The following RASGEF1C variants were observed in gnomAD, a reference collection of about 807,000 sequenced individuals.
The protein encoded by RASGEF1C is RasGEF domain family member 1C.
A neutral mutation model predicts 58.1 loss-of-function variants in RASGEF1C; 27 were observed. The observed-to-expected ratio is 0.46, with a 90% CI of 0.34 to 0.64. RASGEF1C has a LOEUF of 0.64. Among genes scored for constraint, RASGEF1C ranks in the 30% least tolerant of loss-of-function variants. The probability of loss-of-function intolerance (pLI) is 0.01; values close to 1 mark genes in which losing one functional copy is unlikely to be tolerated. For synonymous variants in RASGEF1C, 243 were observed against 246.3 expected, an observed-to-expected ratio of 0.99 and a Z score of 0.13; for missense variants, 502 against 605.1, an observed-to-expected ratio of 0.83 and a Z score of 1.79.
At chr5:180,127,917 A>C (rs1233246045) in intron 5 of RASGEF1C, among the ~76,000 whole-genome samples, 3 of 152,190 alleles carry the variant, frequency 2.0e-5, no homozygotes, top group Admixed American at 6.5e-5. Flanking sequence ...CAATGCTATG[A>C]GGCGTGACGC....
chr5:180,171,752 G>A (rs1219306743), intron 1 of RASGEF1C, among the ~76,000 whole-genome samples: 1 of 152,268 alleles, frequency 6.6e-6, no homozygotes, highest in African/African-American at 2.4e-5. Flanking sequence ...CAGCGAATGC[G>A]TAGCAAAAAT....
chr5:180,208,627 T>C (rs1159608678), intron 1 of RASGEF1C, among the ~76,000 whole-genome samples: 1 of 152,162 alleles, frequency 6.6e-6, no homozygotes, highest in Non-Finnish European at 1.5e-5. Flanking sequence ...CTTCTGCACG[T>C]GCACCGGCAG....
chr5:180,201,351 G>A (rs1756392015), intron 1 of RASGEF1C, among the ~76,000 whole-genome samples: 1 of 152,094 alleles, frequency 6.6e-6, no homozygotes, highest in South Asian at 2.1e-4. Context: ...AAGCAAAAGT[G>A]AATATTGTAA....
chr5:180,181,287 A>C (rs1025635011), intron 1 of RASGEF1C, among the ~76,000 whole-genome samples: 1 of 152,210 alleles, frequency 6.6e-6, no homozygotes, highest in African/African-American at 2.4e-5. Flanking sequence ...AGCAAAAATA[A>C]TACTGTAGTG....
intron 1 of RASGEF1C, among the ~76,000 whole-genome samples, chr5:180,204,298 T>C (rs948298302): frequency 2.0e-5 from 3 of 152,256 alleles, no homozygotes; most frequent in African/African-American, 7.2e-5. Context: ...CTTAGATTCC[T>C]GGGAGTGGGA....
chr5:180,139,735 G>C (rs527349510), intron 1 of RASGEF1C, among the ~76,000 whole-genome samples: 3 of 152,258 alleles, frequency 2.0e-5, no homozygotes, highest in Non-Finnish European at 4.4e-5. Flanking sequence ...CATGCAGGAA[G>C]CTGCACATGC....
intron 12 of RASGEF1C, among the ~76,000 whole-genome samples, chr5:180,111,211 C>T (rs1052647848): frequency 1.6e-4 from 24 of 152,192 alleles, no homozygotes; most frequent in African/African-American, 4.6e-4. Context: ...AAACTGTGTC[C>T]GGGGAGGAGC....
rs1221675989 is a variant in RASGEF1C at position 180,158,893 on chromosome 5, C to A, written c.-6-20835G>T. On this transcript the variant is annotated intron_variant, in intron 1 of 13. Transcript: ENST00000361132. This position sits in a 1 kb window ranked among gnomAD's most constrained non-coding sequence, Gnocchi z 4.0. Reference sequence around the variant, plus strand: ...TTCTTAGCACTCATTTTTGGACCCCCTGGACTTGTCCTCCAATTTAAAAAA... The same window carrying A: ...TTCTTAGCACTCATTTTTGGACCCCATGGACTTGTCCTCCAATTTAAAAAA... Among the ~76,000 whole-genome samples, 3 of 152,110 alleles carry A rather than the reference C, an allele frequency of 2.0e-5. No homozygotes were observed. The highest frequency in any genetic ancestry group is 4.4e-5 in the Non-Finnish European group (3 of 68,000).
intron 1 of RASGEF1C, among the ~76,000 whole-genome samples, chr5:180,140,427 C>T (rs1766557332): frequency 6.6e-6 from 1 of 152,184 alleles, no homozygotes; most frequent in South Asian, 2.1e-4. Context: ...GGGACAAAGC[C>T]CGACCTCAGG....
chr5:180,181,480 G>A (rs1370297800), intron 1 of RASGEF1C, among the ~76,000 whole-genome samples: 1 of 152,226 alleles, frequency 6.6e-6, no homozygotes, highest in Non-Finnish European at 1.5e-5. Context: ...CTGGAGTGGA[G>A]TGGAGTGGGG....
chr5:180,172,553 C>T (rs1767128512), intron 1 of RASGEF1C, among the ~76,000 whole-genome samples: 1 of 152,198 alleles, frequency 6.6e-6, no homozygotes. Context: ...CTCTCAGACC[C>T]TCCCACAAAG....
In RASGEF1C at chr5:180,209,067, G is replaced by C. The variant is rs1756549983; in HGVS notation, c.-46C>G. The C allele has an allele frequency of 7.0e-6, 1 of 143,248 alleles. No individual in the cohort carries two copies. The highest frequency in any genetic ancestry group is 1.5e-5 in the Non-Finnish European group (1 of 64,814). The allele number at this position is 143,248 out of a possible 1,614,324, so 8.9% of individuals were successfully genotyped here. A position where few individuals can be genotyped will look rare whatever the true frequency, so the allele number is the denominator to read the frequency against. On this transcript the variant is annotated 5_prime_UTR_variant, in exon 1 of 14. Coordinates refer to ENST00000361132, the MANE Select transcript of RASGEF1C (RefSeq NM_175062.4). Reference sequence around the variant, plus strand: ...CCGGAACTCCGGGCCCGGCCCATGGGCAGCTCCCGGTGCGAGCCTCGGCGC... The same window carrying C: ...CCGGAACTCCGGGCCCGGCCCATGGCCAGCTCCCGGTGCGAGCCTCGGCGC...
At chr5:180,161,648 G>C (rs1307833585) in intron 1 of RASGEF1C, among the ~76,000 whole-genome samples, 3 of 152,248 alleles carry the variant, frequency 2.0e-5, no homozygotes, top group Non-Finnish European at 4.4e-5. Flanking sequence ...GGGGGAGCAG[G>C]TGCAGCCTCG....
At chr5:180,142,573 G>A (rs1766596671) in intron 1 of RASGEF1C, among the ~76,000 whole-genome samples, 1 of 152,176 alleles carries the variant, frequency 6.6e-6, no homozygotes, top group Non-Finnish European at 1.5e-5. Context: ...GCAAACAAAG[G>A]GAGCATGGAC....
At chr5:180,152,456 C>T (rs531674339) in intron 1 of RASGEF1C, among the ~76,000 whole-genome samples, 154 of 150,964 alleles carry the variant, frequency 1.0e-3, no homozygotes, top group African/African-American at 3.4e-3. Context: ...AGCAAACTAT[C>T]GCAAGGACAA....
chr5:180,144,496 T>C lies in RASGEF1C; in HGVS notation c.-6-6438A>G, dbSNP rs141030461. Among the ~76,000 whole-genome samples the C allele has an allele frequency of 7.9e-5, 12 of 152,206 alleles. No individual in the cohort carries two copies. In the East Asian group the frequency reaches 2.3e-3, roughly 29 times the overall value. On this transcript the variant is annotated intron_variant, in intron 1 of 13. Transcript: ENST00000361132. Reference sequence around the variant, plus strand: ...TAGAAAAAGTTTTTAAAAATTAGGTTGACGTAATGTCACACACCTGTAGTC... The same window carrying C: ...TAGAAAAAGTTTTTAAAAATTAGGTCGACGTAATGTCACACACCTGTAGTC...
At chr5:180,157,107 G>C (rs1012100886) in intron 1 of RASGEF1C, among the ~76,000 whole-genome samples, 1 of 152,218 alleles carries the variant, frequency 6.6e-6, no homozygotes, top group Non-Finnish European at 1.5e-5. Context: ...CAGCTTGGCA[G>C]TTTCTTACAA....
At chr5:180,200,046 G>A (rs1756356939) in intron 1 of RASGEF1C, among the ~76,000 whole-genome samples, 1 of 152,040 alleles carries the variant, frequency 6.6e-6, no homozygotes, top group African/African-American at 2.4e-5. Context: ...TGGATCACAA[G>A]GTAAGGAGTT....
chr5:180,139,768 G>A (rs1327519374), intron 1 of RASGEF1C, among the ~76,000 whole-genome samples: 3 of 152,340 alleles, frequency 2.0e-5, no homozygotes, highest in Non-Finnish European at 2.9e-5. Flanking sequence ...GGACAGCTGC[G>A]GGATGGGCCG....
Sources: gnomAD v4.1 joint callset for allele counts (sites outside exome capture counted in the v4.1 genomes callset) on GRCh38, gnomAD v4.1.1 for gene constraint, Gnocchi (gnomAD v3.1) non-coding constraint, MANE v1.5 for transcripts, NCBI Gene and HGNC (gene_info 2026-07-23, HGNC 2026-07-21) for gene names.